Variants in STPG4 observed in about 807,000 individuals in gnomAD.
STPG4 encodes the protein sperm-tail PG-rich repeat containing 4.
In STPG4, 41 loss-of-function variants were observed where a neutral mutation model predicts 31.5. The observed-to-expected ratio is 1.30, with a 90% CI of 1.01 to 1.69. The LOEUF is 1.69. STPG4 is among the 40% of genes most tolerant of loss of function. The pLI is 0.00. For synonymous variants in STPG4, 141 were observed against 103.0 expected, an observed-to-expected ratio of 1.37 and a Z score of -2.24; for missense variants, 375 against 293.4, an observed-to-expected ratio of 1.28 and a Z score of -2.03.
intron 5 of STPG4, among the ~76,000 whole-genome samples, chr2:47,117,813 C>CA (rs368139414): frequency 1.3e-3 from 200 of 152,284 alleles, no homozygotes; most frequent in South Asian, 2.5e-3. Flanking sequence ...AAAGAACTTG[C>CA]ATATGAACTC....
intron 5 of STPG4, among the ~76,000 whole-genome samples, chr2:47,128,559 A>G (rs1686408804): frequency 6.6e-6 from 1 of 152,052 alleles, no homozygotes; most frequent in Admixed American, 6.5e-5. Context: ...CCTCAAGCAG[A>G]AAGAATCTCT....
intron 5 of STPG4, among the ~76,000 whole-genome samples, chr2:47,094,469 G>A (rs1437768326): frequency 1.3e-5 from 2 of 152,160 alleles, no homozygotes; most frequent in African/African-American, 2.4e-5. Flanking sequence ...CTATTTAATT[G>A]TGCTTTTATT....
intron 5 of STPG4, among the ~76,000 whole-genome samples, chr2:47,117,255 G>A (rs769779532): frequency 6.6e-6 from 1 of 152,182 alleles, no homozygotes; most frequent in Admixed American, 6.5e-5. Context: ...TGTTGCCCAG[G>A]CCAGAGTGCA....
At chr2:47,141,777 C>A (rs1194311143) in intron 3 of STPG4, among the ~76,000 whole-genome samples, 1 of 151,770 alleles carries the variant, frequency 6.6e-6, no homozygotes, top group Admixed American at 6.6e-5. Flanking sequence ...CACTTCAGGT[C>A]TAAAATGAGT....
intron 5 of STPG4, among the ~76,000 whole-genome samples, chr2:47,123,596 A>G (rs1429628983): frequency 6.6e-6 from 1 of 152,192 alleles, no homozygotes; most frequent in East Asian, 1.9e-4. Context: ...AGAAAGTGGT[A>G]TTTCAGTCAA....
chr2:47,138,968 A>G (rs1251897820), intron 3 of STPG4, among the ~76,000 whole-genome samples: 2 of 152,220 alleles, frequency 1.3e-5, no homozygotes, highest in Non-Finnish European at 2.9e-5. Context: ...TACAGGTGTG[A>G]GCCACCGCTG....
intron 5 of STPG4, among the ~76,000 whole-genome samples, chr2:47,120,187 TG>T (rs1233539201): frequency 6.6e-6 from 1 of 152,040 alleles, no homozygotes; most frequent in Non-Finnish European, 1.5e-5. Flanking sequence ...AAAAATTAGC[TG>T]GGCGTGGTGG....
intron 5 of STPG4, among the ~76,000 whole-genome samples, chr2:47,127,918 T>C (rs1686396600): frequency 6.6e-6 from 1 of 152,156 alleles, no homozygotes; most frequent in Admixed American, 6.5e-5. Flanking sequence ...GTCTGGGCAT[T>C]GTAGAGTTAG....
chr2:47,107,067 G>A (rs553075415), intron 5 of STPG4, among the ~76,000 whole-genome samples: 8 of 152,096 alleles, frequency 5.3e-5, no homozygotes, highest in Admixed American at 4.6e-4. Flanking sequence ...ATTCCCAACA[G>A]CAGTTGGGGT....
intron 5 of STPG4, among the ~76,000 whole-genome samples, chr2:47,114,788 G>C (rs1369811489): frequency 1.3e-5 from 2 of 151,468 alleles, no homozygotes; most frequent in Non-Finnish European, 2.9e-5. Flanking sequence ...TTTTTTTTAA[G>C]ACAGAGTCTT....
At chr2:47,133,783 G>C (rs1179990750) in intron 3 of STPG4, among the ~76,000 whole-genome samples, 2 of 151,722 alleles carry the variant, frequency 1.3e-5, no homozygotes, top group Non-Finnish European at 1.5e-5. Flanking sequence ...CTCCATGTTG[G>C]TCACGCTGGT....
chr2:47,100,527 GA>G (rs1470491074), intron 5 of STPG4, among the ~76,000 whole-genome samples: 8 of 149,788 alleles, frequency 5.3e-5, no homozygotes, highest in African/African-American at 2.0e-4. Flanking sequence ...GGTGGGGCCA[GA>G]TAAGAGAAAA....
At chr2:47,113,895 G>A (rs1488767571) in intron 5 of STPG4, among the ~76,000 whole-genome samples, 5 of 151,984 alleles carry the variant, frequency 3.3e-5, no homozygotes, top group Non-Finnish European at 7.4e-5. Flanking sequence ...TTAGCCAGGT[G>A]TGGTGGCGGG....
chr2:47,146,772 A>G (rs1392347804), intron 3 of STPG4, among the ~76,000 whole-genome samples: 1 of 152,122 alleles, frequency 6.6e-6, no homozygotes, highest in Admixed American at 6.6e-5. Flanking sequence ...AGGGAAGAGC[A>G]GAGATGGCAA....
At chr2:47,149,060 G>C (rs1686884153) in intron 3 of STPG4, among the ~76,000 whole-genome samples, 1 of 152,052 alleles carries the variant, frequency 6.6e-6, no homozygotes, top group African/African-American at 2.4e-5. Flanking sequence ...ACAGAATTTT[G>C]AATTTTACTG....
intron 5 of STPG4, among the ~76,000 whole-genome samples, chr2:47,118,634 C>G (rs532785322): frequency 6.6e-6 from 1 of 152,222 alleles, no homozygotes; most frequent in East Asian, 1.9e-4. Flanking sequence ...AGCTCAAAGC[C>G]CAGCTTTTGA....
chr2:47,139,655 C>T (rs754310955), intron 3 of STPG4, among the ~76,000 whole-genome samples: 15 of 151,986 alleles, frequency 9.9e-5, no homozygotes, highest in African/African-American at 3.1e-4. Flanking sequence ...ATAGATCTCA[C>T]GAATCAGATC....
chr2:47,151,468 T>G lies in STPG4; in HGVS notation c.189A>C (p.Glu63Asp), dbSNP rs986006102. ...TTGCTATCACTGGATTTAATAGGGA[T>G]TCTTCAATAAAAGTTTTCAAGTGGT... ...GTYHLKTFIE[E>D]SLLNPVIATY... Residue 63 changes from glutamate to aspartate, a missense_variant, in exon 3 of 7, where the codon GAA becomes GAC. Physicochemically the swap from Glu to Asp is conservative, Grantham distance 45. Transcript: ENST00000445927. The G allele has an allele frequency of 6.2e-7, 1 of 1,613,932 alleles. No homozygotes were observed. The highest frequency in any genetic ancestry group is 8.5e-7 in the Non-Finnish European group (1 of 1,179,894).
intron 3 of STPG4, 106 bp downstream of exon 3, chr2:47,151,152 G>T: frequency 7.3e-7 from 1 of 1,363,444 alleles, no homozygotes; most frequent in Non-Finnish European, 1.0e-6. Context: ...CATCTTAAAG[G>T]TTTTCCATTT....
Sources: allele counts gnomAD v4.1 joint callset (sites outside exome capture counted in the v4.1 genomes callset), GRCh38; gene constraint gnomAD v4.1.1; transcripts MANE v1.5; gene names NCBI Gene and HGNC (gene_info 2026-07-23, HGNC 2026-07-21).